Variants in MAGI3 observed in about 807,000 individuals in gnomAD.
MAGI3 encodes the protein membrane-associated guanylate kinase, WW and PDZ domain-containing protein 3.
Under a neutral mutation model 121.8 loss-of-function variants are expected in MAGI3, and 43 were observed. The ratio of observed to expected loss-of-function variants is 0.35; its 90% CI spans 0.28 to 0.46. MAGI3 has a LOEUF of 0.46. Ranked by LOEUF, MAGI3 falls within the 20% of genes least tolerant of loss-of-function variation. MAGI3 has a pLI of 1.00. For missense variants in MAGI3, 1,547 were observed against 1,797.3 expected, an observed-to-expected ratio of 0.86 and a Z score of 2.52; for synonymous variants, 553 against 639.3, an observed-to-expected ratio of 0.86 and a Z score of 2.04.
At chr1:113,563,513 C>A (rs1210205918) in intron 2 of MAGI3, among the ~76,000 whole-genome samples, 1 of 152,184 alleles carries the variant, frequency 6.6e-6, no homozygotes, top group Admixed American at 6.5e-5. Flanking sequence ...AGTACCCTAG[C>A]AGTCAGCTTC....
intron 19 of MAGI3, among the ~76,000 whole-genome samples, chr1:113,676,314 C>T (rs968475364): frequency 2.0e-5 from 3 of 152,052 alleles, no homozygotes; most frequent in Non-Finnish European, 4.4e-5. Context: ...GCTTGTAATC[C>T]CAGCTACTTG....
chr1:113,600,085 G>A (rs983081304), intron 6 of MAGI3, among the ~76,000 whole-genome samples: 2 of 152,104 alleles, frequency 1.3e-5, no homozygotes, highest in African/African-American at 4.8e-5. Context: ...AATAATAAGA[G>A]CTATCTATGA....
chr1:113,460,831 C>G (rs1279899931), intron 1 of MAGI3, among the ~76,000 whole-genome samples: 2 of 151,808 alleles, frequency 1.3e-5, no homozygotes, highest in Non-Finnish European at 2.9e-5. Context: ...AAAAGAAAAC[C>G]CCATAGGCTC....
chr1:113,585,594 CA>C lies in MAGI3; in HGVS notation c.762del (p.Glu255LysfsTer13). ...DKEAINGSGNAENRERHSESS... is the reference protein window; with the variant it reads ...DKEAINGSGNXENRERHSESS... ...GAAGCTATTAATGGCAGTGGAAACGCAGGTTTGTAAATAGATGAACAACTTC... is the reference window on the plus strand; with the variant it reads ...GAAGCTATTAATGGCAGTGGAAACGCGGTTTGTAAATAGATGAACAACTTC... On this transcript the variant is annotated frameshift_variant and splice_region_variant, in exon 4 of 21. Coordinates refer to ENST00000307546, the MANE Select transcript of MAGI3 (RefSeq NM_001142782.2). LOFTEE classifies it high-confidence loss of function. 6.2e-7 allele frequency: 1 copy of C among 1,611,648 alleles called. No homozygotes were observed. The highest frequency in any genetic ancestry group is 8.5e-7 in the Non-Finnish European group (1 of 1,178,382).
At chr1:113,438,866 A>T (rs1387663292) in intron 1 of MAGI3, among the ~76,000 whole-genome samples, 1 of 152,220 alleles carries the variant, frequency 6.6e-6, no homozygotes, top group Non-Finnish European at 1.5e-5. Flanking sequence ...CCTTCTTCAC[A>T]ATCTCACAGA....
At chr1:113,644,266 A>T (rs1314067100) in intron 11 of MAGI3, among the ~76,000 whole-genome samples, 5 of 151,786 alleles carry the variant, frequency 3.3e-5, no homozygotes, top group Non-Finnish European at 7.4e-5. Context: ...TTATTTTTTT[A>T]TTATTTATTT....
chr1:113,462,843 A>G (rs1200349844), intron 1 of MAGI3, among the ~76,000 whole-genome samples: 1 of 152,184 alleles, frequency 6.6e-6, no homozygotes, highest in Non-Finnish European at 1.5e-5. Flanking sequence ...ATAGTTGGGA[A>G]TAACTGATAA....
intron 1 of MAGI3, among the ~76,000 whole-genome samples, chr1:113,435,965 CAT>C (rs1328161525): frequency 6.6e-6 from 1 of 151,960 alleles, no homozygotes; most frequent in Non-Finnish European, 1.5e-5. Flanking sequence ...ATCTTTGTGT[CAT>C]ATATTGTTGC....
chr1:113,642,817 A>T (rs1652624387), intron 10 of MAGI3, among the ~76,000 whole-genome samples: 1 of 152,244 alleles, frequency 6.6e-6, no homozygotes, highest in African/African-American at 2.4e-5. Context: ...CTTCAAATGA[A>T]ATACATCCTC....
chr1:113,612,847 A>C (rs907695417), intron 6 of MAGI3, among the ~76,000 whole-genome samples: 4 of 152,204 alleles, frequency 2.6e-5, no homozygotes, highest in Non-Finnish European at 5.9e-5. Flanking sequence ...CTATTAGTAC[A>C]TCCCTTTTAG....
intron 1 of MAGI3, among the ~76,000 whole-genome samples, chr1:113,526,756 C>T (rs1472714647): frequency 6.6e-6 from 1 of 151,980 alleles, no homozygotes; most frequent in Non-Finnish European, 1.5e-5. Flanking sequence ...GTTGGTGACC[C>T]GGATTAAGGT....
intron 2 of MAGI3, among the ~76,000 whole-genome samples, chr1:113,553,505 A>T (rs1276476055): frequency 1.3e-5 from 2 of 152,194 alleles, no homozygotes; most frequent in Non-Finnish European, 2.9e-5. Context: ...CCCAGGGGCC[A>T]GGAGACATTT....
intron 2 of MAGI3, among the ~76,000 whole-genome samples, chr1:113,571,338 C>G (rs574064497): frequency 4.2e-4 from 64 of 152,144 alleles, no homozygotes; most frequent in Non-Finnish European, 6.5e-4. Context: ...ACGCCTCCAG[C>G]TTTGTTCCTT....
intron 6 of MAGI3, among the ~76,000 whole-genome samples, chr1:113,598,393 G>T (rs897966725): frequency 2.6e-5 from 4 of 152,054 alleles, no homozygotes; most frequent in Admixed American, 2.6e-4. Context: ...TTGGCAGAAT[G>T]GATAAAAATT....
chr1:113,643,842 A>AC, intron 11 of MAGI3, 68 bp downstream of exon 11: 3 of 1,429,042 alleles, frequency 2.1e-6, no homozygotes, highest in Non-Finnish European at 3.0e-6. Flanking sequence ...TCCCCTCTGT[A>AC]AGAGGAGCTC....
At chr1:113,576,053 A>G (rs1357813166) in intron 2 of MAGI3, among the ~76,000 whole-genome samples, 1 of 152,124 alleles carries the variant, frequency 6.6e-6, no homozygotes, top group Non-Finnish European at 1.5e-5. Flanking sequence ...ACCAAGCTCG[A>G]TCATCCCAGG....
intron 13 of MAGI3, 126 bp downstream of exon 13, chr1:113,649,454 C>T (rs993628074): frequency 3.3e-6 from 2 of 598,558 alleles, no homozygotes; most frequent in Non-Finnish European, 5.8e-6. Flanking sequence ...AGAATAACTG[C>T]ATTTCCATTA....
At chr1:113,655,623 T>G (rs1347812247) in intron 15 of MAGI3, among the ~76,000 whole-genome samples, 1 of 152,234 alleles carries the variant, frequency 6.6e-6, no homozygotes, top group Non-Finnish European at 1.5e-5. Flanking sequence ...GTTTTACCTA[T>G]GGAGATACTT....
chr1:113,553,147 G>A (rs1216069523), intron 2 of MAGI3, among the ~76,000 whole-genome samples: 3 of 152,156 alleles, frequency 2.0e-5, no homozygotes, highest in Non-Finnish European at 2.9e-5. Context: ...TGATCCTTGA[G>A]AGAAGAAGAA....
Sources: gnomAD v4.1 joint callset for allele counts (sites outside exome capture counted in the v4.1 genomes callset) on GRCh38, gnomAD v4.1.1 for gene constraint, MANE v1.5 for transcripts, NCBI Gene and HGNC (gene_info 2026-07-23, HGNC 2026-07-21) for gene names.